CACNA2D2: variants seen among roughly 807,000 people sequenced by gnomAD.
CACNA2D2 encodes the protein calcium voltage-gated channel auxiliary subunit alpha2delta 2.
Under a neutral mutation model 166.4 loss-of-function variants are expected in CACNA2D2, and 48 were observed. The observed-to-expected ratio is 0.29, with a 90% CI of 0.23 to 0.37. The LOEUF (loss-of-function observed/expected upper bound fraction) is 0.37. Ranked by LOEUF, CACNA2D2 falls within the 10% of genes least tolerant of loss-of-function variation. The pLI is 1.00. For synonymous variants in CACNA2D2, 561 were observed against 573.7 expected (o/e 0.98, Z 0.32); for missense variants, 1,122 against 1,433.0 (o/e 0.78, Z 3.50).
intron 4 of CACNA2D2, among the ~76,000 whole-genome samples, 165 bp from the exon 5 acceptor site, chr3:50,387,777 T>C (rs1705687699): frequency 6.6e-6 from 1 of 152,180 alleles, no homozygotes; most frequent in African/African-American, 2.4e-5. Flanking sequence ...AGGTCAGGGC[T>C]GAGAATGCAG....
At chr3:50,426,579 TG>T (rs1707817968) in intron 3 of CACNA2D2, among the ~76,000 whole-genome samples, 1 of 152,156 alleles carries the variant, frequency 6.6e-6, no homozygotes, top group African/African-American at 2.4e-5. Context: ...GTACAGGTGG[TG>T]GGGCTGACCC....
At chr3:50,495,543 T>A (rs911861835) in intron 1 of CACNA2D2, among the ~76,000 whole-genome samples, 1 of 152,306 alleles carries the variant, frequency 6.6e-6, no homozygotes, top group East Asian at 1.9e-4. Flanking sequence ...GAAGGAAGTG[T>A]CTTCGCTGGA....
Position 50,379,588 on chromosome 3 carries a change from G to C in CACNA2D2, c.996C>G (p.Phe332Leu). Residue 332 changes from phenylalanine to leucine, a missense_variant and splice_region_variant, in exon 11 of 38, where the codon TTC becomes TTG. Phe to Leu is a conservative substitution (Grantham distance 22). Transcript: ENST00000424201. This position sits in a 1 kb window ranked among gnomAD's most constrained non-coding sequence, Gnocchi z 6.5. ...ATGACACAGGCTGTGCCTTCTCGTT[G>C]AACTGCAGGAACAGTAGGGTGGTGA... ...SDDDYVNVAS[F>L]NEKAQPVSCF... The C allele has an allele frequency of 6.2e-7, 1 of 1,613,838 alleles. No homozygotes were observed. Among genetic ancestry groups the C allele is most frequent in the Non-Finnish European group, 8.5e-7 (1 of 1,180,006 alleles).
At chr3:50,484,464 C>G (rs1423877670) in intron 1 of CACNA2D2, among the ~76,000 whole-genome samples, 1 of 152,204 alleles carries the variant, frequency 6.6e-6, no homozygotes, top group Non-Finnish European at 1.5e-5. Context: ...GCCGCACCCC[C>G]AGTAGCTTCC....
At chr3:50,494,274 GTTGT>G (rs1403282760) in intron 1 of CACNA2D2, among the ~76,000 whole-genome samples, 1 of 152,176 alleles carries the variant, frequency 6.6e-6, no homozygotes, top group Non-Finnish European at 1.5e-5. Context: ...GGGTTGTTTA[GTTGT>G]TTGTTTGCTG....
chr3:50,499,526 A>G (rs371389644), intron 1 of CACNA2D2, among the ~76,000 whole-genome samples: 30 of 152,302 alleles, frequency 2.0e-4, no homozygotes, highest in African/African-American at 7.0e-4. Flanking sequence ...GGTCATCCCA[A>G]TGGAGCCTGC....
chr3:50,449,768 G>A (rs903385183), intron 2 of CACNA2D2, among the ~76,000 whole-genome samples: 2 of 152,102 alleles, frequency 1.3e-5, no homozygotes, highest in African/African-American at 2.4e-5. Context: ...GGGGCGGGGG[G>A]AGCCTGTACT....
chr3:50,435,897 G>T (rs1708299142), intron 2 of CACNA2D2, among the ~76,000 whole-genome samples: 1 of 152,258 alleles, frequency 6.6e-6, no homozygotes, highest in Non-Finnish European at 1.5e-5. Flanking sequence ...TGGCCAGGGA[G>T]AAGAGAGGCC....
intron 3 of CACNA2D2, among the ~76,000 whole-genome samples, chr3:50,417,600 G>T (rs743755): frequency 0.088 from 13,372 of 152,232 alleles, 1,781 homozygotes; most frequent in African/African-American, 0.29. Context: ...CCGGTGGGTA[G>T]GTGGGGCGCA....
intron 2 of CACNA2D2, among the ~76,000 whole-genome samples, chr3:50,470,291 G>A (rs1289020905): frequency 6.6e-6 from 1 of 152,188 alleles, no homozygotes; most frequent in Admixed American, 6.5e-5. Context: ...ACTGAGAAGG[G>A]GACCCATACC....
Position 50,374,107 on chromosome 3 carries a change from G to C in CACNA2D2, c.1984+630C>G, listed in dbSNP as rs188570794. On this transcript the variant is annotated intron_variant, in intron 22 of 37. Coordinates refer to ENST00000424201, the MANE Select transcript of CACNA2D2 (RefSeq NM_006030.4). The stretch of plus-strand genomic sequence containing the variant: ...AGGGGAGGGGGAGGAGGAGAGGGGA[G>C]GTGGGATTGGGGAGGAGGTAAGGGG... Among the ~76,000 whole-genome samples the C allele has an allele frequency of 5.0e-3, 32 of 6,458 alleles. 3 individuals are homozygous for C. Among genetic ancestry groups the C allele is most frequent in the African/African-American group, 0.032 (20 of 628 alleles). The allele number at this position is 6,458 out of a possible 152,430, so 4.2% of individuals were successfully genotyped here.
Position 50,363,072 on chromosome 3 carries a change from T to C in CACNA2D2, c.*1594A>G. The C allele has an allele frequency of 2.5e-6, 1 of 398,640 alleles. No homozygotes were observed. The highest frequency in any genetic ancestry group is 3.6e-5 in the East Asian group (1 of 28,068). 24.7% of individuals were successfully genotyped at this position (398,640 alleles called of 1,614,324 possible). ...CCCAGCTGGGGGTTAGACAGCTACCTGATGGGGATTGTTTTGTCTGTTTTT... is the reference window on the plus strand; with the variant it reads ...CCCAGCTGGGGGTTAGACAGCTACCCGATGGGGATTGTTTTGTCTGTTTTT... On this transcript the variant is annotated 3_prime_UTR_variant, in exon 38 of 38. Transcript: ENST00000424201.
At chr3:50,470,783 G>C (rs975262977) in intron 2 of CACNA2D2, among the ~76,000 whole-genome samples, 1 of 151,890 alleles carries the variant, frequency 6.6e-6, no homozygotes, top group South Asian at 2.1e-4. Context: ...GCCGGGTTGG[G>C]GGGGACACAG....
intron 1 of CACNA2D2, among the ~76,000 whole-genome samples, chr3:50,500,137 C>T (rs943919916): frequency 4.6e-5 from 7 of 152,230 alleles, no homozygotes; most frequent in African/African-American, 1.4e-4. Context: ...GCTACACTGA[C>T]GCATGCCCTG....
chr3:50,409,804 G>A lies in CACNA2D2; in HGVS notation c.406-15636C>T, dbSNP rs74644355. Among the ~76,000 whole-genome samples, 1,044 of 152,320 alleles carry A rather than the reference G, an allele frequency of 6.9e-3. 6 individuals carry two copies. The highest frequency in any genetic ancestry group is 0.023 in the African/African-American group (975 of 41,568). On this transcript the variant is annotated intron_variant, in intron 3 of 37. Transcript: ENST00000424201. ...GGAGGAAGTGGGCCTCTGGCTGGCTGTGGATCAGACAGCGTGGAGTGGGAG... is the reference window on the plus strand; with the variant it reads ...GGAGGAAGTGGGCCTCTGGCTGGCTATGGATCAGACAGCGTGGAGTGGGAG...
chr3:50,499,000 A>G (rs1163426601), intron 1 of CACNA2D2, among the ~76,000 whole-genome samples: 1 of 152,206 alleles, frequency 6.6e-6, no homozygotes, highest in Non-Finnish European at 1.5e-5. Context: ...TCAAGGCACT[A>G]ATGTGGGTGA....
At chr3:50,368,542 C>T (rs1704477691) in intron 23 of CACNA2D2, among the ~76,000 whole-genome samples, 1 of 152,192 alleles carries the variant, frequency 6.6e-6, no homozygotes, top group Non-Finnish European at 1.5e-5. Flanking sequence ...CCTGAAAGGC[C>T]CCAGGAAATG....
chr3:50,436,464 T>C (rs1471959344), intron 2 of CACNA2D2, among the ~76,000 whole-genome samples: 1 of 152,082 alleles, frequency 6.6e-6, no homozygotes, highest in African/African-American at 2.4e-5. Flanking sequence ...ATGGTAACTG[T>C]GCTGGGGATC....
At chr3:50,491,477 A>G (rs1055667966) in intron 1 of CACNA2D2, among the ~76,000 whole-genome samples, 7 of 152,196 alleles carry the variant, frequency 4.6e-5, no homozygotes, top group African/African-American at 1.4e-4. Context: ...ACAATTAAAC[A>G]TGCTGCCTCC....
Sources: allele counts gnomAD v4.1 joint callset (sites outside exome capture counted in the v4.1 genomes callset), GRCh38; gene constraint gnomAD v4.1.1; non-coding constraint Gnocchi (gnomAD v3.1); transcripts MANE v1.5; gene names NCBI Gene and HGNC (gene_info 2026-07-23, HGNC 2026-07-21).